The following GFPT2 variants were observed in gnomAD, a reference collection of about 807,000 sequenced individuals.
GFPT2 encodes the protein glutamine--fructose-6-phosphate transaminase 2.
Under a neutral mutation model 85.6 loss-of-function variants are expected in GFPT2, and 62 were observed. The observed-to-expected ratio is 0.72, with a 90% confidence interval of 0.59 to 0.90. The LOEUF (loss-of-function observed/expected upper bound fraction) is 0.90, where lower values mean the gene tolerates loss of function less well. GFPT2 is among the 40% of genes least tolerant of loss of function. The pLI is 0.00. For synonymous variants in GFPT2, 368 were observed against 344.5 expected (o/e 1.07, Z -0.75); for missense variants, 788 against 893.4 (o/e 0.88, Z 1.50).
intron 2 of GFPT2, 93 bp from the exon 3 acceptor site, chr5:180,336,670 G>C: frequency 1.2e-6 from 1 of 836,638 alleles, no homozygotes; most frequent in Non-Finnish European, 2.1e-6. Flanking sequence ...TGCATGCCCC[G>C]GGCTGTCCGT....
chr5:180,308,954 C>T (rs10794704), intron 15 of GFPT2, among the ~76,000 whole-genome samples: 47,330 of 151,472 alleles, frequency 0.31, 7,607 homozygotes, highest in East Asian at 0.45. Flanking sequence ...ACTGTAACCT[C>T]GGCCACCCGG....
chr5:180,302,910 A>G (rs566078702), intron 17 of GFPT2, among the ~76,000 whole-genome samples: 1 of 152,222 alleles, frequency 6.6e-6, no homozygotes, highest in South Asian at 2.1e-4. Flanking sequence ...GAAAACAAAA[A>G]CCTAGACAAG....
intron 9 of GFPT2, among the ~76,000 whole-genome samples, chr5:180,322,694 A>T (rs948371881): frequency 6.6e-6 from 1 of 152,206 alleles, no homozygotes; most frequent in Non-Finnish European, 1.5e-5. Context: ...ATTGCCTACA[A>T]ATAATTATTT....
At position 180,330,394 on chromosome 5, in the gene GFPT2, G is replaced by A. The variant is rs959352466; in HGVS notation, c.534+306C>T. On this transcript the variant is annotated intron_variant, in intron 6 of 18. Transcript: ENST00000253778. This position sits in a 1 kb window ranked among gnomAD's most constrained non-coding sequence, Gnocchi z 4.4. ...CTCTGCACACCACCACCAAGCTCAC[G>A]TGTGCATCATAAAAAGCCACGGACT... Among the ~76,000 whole-genome samples the A allele has an allele frequency of 5.3e-5, 8 of 152,108 alleles. No homozygotes were observed. Among genetic ancestry groups the A allele is most frequent in the Non-Finnish European group, 1.0e-4 (7 of 68,030 alleles).
At chr5:180,340,945 G>A (rs945093657) in intron 1 of GFPT2, among the ~76,000 whole-genome samples, 3 of 152,276 alleles carry the variant, frequency 2.0e-5, no homozygotes, top group East Asian at 3.9e-4. Context: ...GAATGACGGG[G>A]GAACAAACTC....
chr5:180,301,424 G>GT lies in GFPT2; in HGVS notation c.*139_*140insA. ...TGTAAGCAAAAGCACTTGGGTAGAA[G>GT]GCACGTGGAAGCTGTCAAGCTCTAC... On this transcript the variant is annotated 3_prime_UTR_variant, in exon 19 of 19. Transcript: ENST00000253778. 4.0e-6 allele frequency: 3 copies of GT among 748,718 alleles called. No homozygotes were observed. Among genetic ancestry groups the GT allele is most frequent in the Non-Finnish European group, 4.7e-6 (2 of 423,798 alleles). The allele number at this position is 748,718 out of a possible 1,614,324, so 46.4% of individuals were successfully genotyped here.
rs748470946 is a variant in GFPT2 at position 180,318,861 on chromosome 5, C to T, written c.890G>A (p.Arg297His). 1.2e-5 allele frequency: 20 copies of T among 1,613,882 alleles called. No homozygotes were observed. The highest frequency in any genetic ancestry group is 2.2e-5 in the East Asian group (1 of 44,900). The stretch of plus-strand genomic sequence containing the variant: ...TCGAGATGGGTCATCACTGGCCGAG[C>T]GCTTGACCCGGTGAATGGAGAGTTT... ...DGKLSIHRVKRSASDDPSRAI... is the reference protein window; with the variant it reads ...DGKLSIHRVKHSASDDPSRAI... The change falls in exon 10 of 19, where the codon CGC becomes CAC. Residue 297 changes from arginine (R) to histidine (H), a missense_variant. Physicochemically the swap from Arg to His is conservative, Grantham distance 29. Transcript: ENST00000253778. The surrounding 1 kb of genome is among the most constrained non-coding windows in gnomAD (Gnocchi z 4.2).
intron 4 of GFPT2, among the ~76,000 whole-genome samples, chr5:180,334,724 G>A (rs1186106194): frequency 2.6e-5 from 4 of 152,148 alleles, no homozygotes; most frequent in South Asian, 2.1e-4. Flanking sequence ...TCAGGGGCTC[G>A]TGACTGGACC....
rs1410758710 is a variant in GFPT2 at position 180,330,955 on chromosome 5, C to T, written c.400-121G>A. On this transcript the variant is annotated intron_variant, in intron 5 of 18. Coordinates refer to ENST00000253778, the MANE Select transcript of GFPT2 (RefSeq NM_005110.4). This position sits in a 1 kb window ranked among gnomAD's most constrained non-coding sequence, Gnocchi z 4.4. ...GACTTAAGTCAAGAACAGGGAAAAC[C>T]GGGAAGGGGGGAAAAATGTTTGCCA... is the stretch of plus-strand genomic sequence containing the variant. 1.0e-5 allele frequency: 9 copies of T among 874,884 alleles called. No individual in the cohort carries two copies. The highest frequency in any genetic ancestry group is 2.8e-5 in the Admixed American group (1 of 35,640). The allele number at this position is 874,884 out of a possible 1,614,324, so 54.2% of individuals were successfully genotyped here.
intron 9 of GFPT2, among the ~76,000 whole-genome samples, chr5:180,322,282 T>A (rs1184740168): frequency 1.3e-5 from 2 of 151,232 alleles, no homozygotes; most frequent in Non-Finnish European, 2.9e-5. Context: ...GGCAACTTAA[T>A]GAGACCCTGT....
intron 9 of GFPT2, among the ~76,000 whole-genome samples, chr5:180,322,587 C>T (rs1278706149): frequency 6.6e-6 from 1 of 152,224 alleles, no homozygotes; most frequent in Non-Finnish European, 1.5e-5. Flanking sequence ...AGCTTAGTGG[C>T]TAAGGCCAGG....
At chr5:180,350,268 C>T (rs1764688956) in intron 1 of GFPT2, among the ~76,000 whole-genome samples, 1 of 152,216 alleles carries the variant, frequency 6.6e-6, no homozygotes, top group Non-Finnish European at 1.5e-5. Context: ...CCAGGTTGCT[C>T]ATCTTCAGAT....
At chr5:180,332,325 G>C (rs1026499857) in intron 4 of GFPT2, among the ~76,000 whole-genome samples, 1 of 152,122 alleles carries the variant, frequency 6.6e-6, no homozygotes, top group Non-Finnish European at 1.5e-5. Flanking sequence ...TGAATAGCCC[G>C]CATATGAGTG....
intron 1 of GFPT2, among the ~76,000 whole-genome samples, chr5:180,341,687 G>C (rs556156636): frequency 6.6e-6 from 1 of 152,146 alleles, no homozygotes; most frequent in East Asian, 1.9e-4. Context: ...CAATTTTCTC[G>C]GTAGGCTATT....
chr5:180,335,978 C>A, intron 3 of GFPT2, 25 bp from the exon 4 acceptor site: 1 of 1,551,968 alleles, frequency 6.4e-7, no homozygotes, highest in Non-Finnish European at 8.7e-7. Context: ...AATCAGTTTG[C>A]CGCACTTGAA....
chr5:180,316,028 A>G (rs986761095), intron 13 of GFPT2, among the ~76,000 whole-genome samples: 1 of 152,230 alleles, frequency 6.6e-6, no homozygotes, highest in African/African-American at 2.4e-5. Context: ...ATTTATGAGC[A>G]CTTCGGTAAG....
intron 15 of GFPT2, among the ~76,000 whole-genome samples, chr5:180,307,691 G>C (rs1468497361): frequency 6.6e-6 from 1 of 152,170 alleles, no homozygotes; most frequent in African/African-American, 2.4e-5. Flanking sequence ...GGGACCACCG[G>C]TTCTCAAACC....
chr5:180,310,832 CAAAAAAAAAAAAAAAAAAA>C (rs3080055), intron 15 of GFPT2, among the ~76,000 whole-genome samples: 9 of 50,584 alleles, frequency 1.8e-4, no homozygotes, highest in Admixed American at 7.0e-4. Context: ...TGGACACAGG[CAAAAAAAAAAAAAAAAAAA>C]AAAAAAAAAA....
At chr5:180,326,137 T>C (rs527266244) in intron 7 of GFPT2, among the ~76,000 whole-genome samples, 1 of 152,348 alleles carries the variant, frequency 6.6e-6, no homozygotes, top group South Asian at 2.1e-4. Flanking sequence ...AAATAAAATC[T>C]ACCATAGGTG....
Sources: allele counts gnomAD v4.1 joint callset (sites outside exome capture counted in the v4.1 genomes callset), GRCh38; gene constraint gnomAD v4.1.1; non-coding constraint Gnocchi (gnomAD v3.1); transcripts MANE v1.5; gene names NCBI Gene and HGNC (gene_info 2026-07-23, HGNC 2026-07-21).